The following OAS2 variants were observed in gnomAD, a reference collection of about 807,000 sequenced individuals.
OAS2 encodes the protein 2'-5'-oligoadenylate synthetase 2.
OAS2 carries 67 observed loss-of-function variants against 71.3 expected under a neutral mutation model. The ratio of observed to expected loss-of-function variants is 0.94; its 90% CI spans 0.77 to 1.15. OAS2 has a LOEUF of 1.15. Among genes scored for constraint, OAS2 ranks in the 50% most tolerant of loss-of-function variants. The pLI, the probability that OAS2 is intolerant of heterozygous loss-of-function variation, is 0.00. For synonymous variants in OAS2, 327 were observed against 321.8 expected (o/e 1.02, Z -0.17); for missense variants, 789 against 822.5 (o/e 0.96, Z 0.50).
At chr12:112,986,379 C>T (rs1038038768) in intron 1 of OAS2, among the ~76,000 whole-genome samples, 1 of 152,118 alleles carries the variant, frequency 6.6e-6, no homozygotes, top group Admixed American at 6.5e-5. Flanking sequence ...TCCTTGGGCC[C>T]CCAGGTGGCT....
At chr12:113,002,791 C>A in intron 5 of OAS2, 141 bp from the exon 6 acceptor site, 1 of 709,866 alleles carries the variant, frequency 1.4e-6, no homozygotes, top group Non-Finnish European at 2.4e-6. Flanking sequence ...TGTGCAATGA[C>A]AAAAGACGGA....
chr12:112,992,869 A>C (rs2044203657), intron 2 of OAS2, among the ~76,000 whole-genome samples: 1 of 152,146 alleles, frequency 6.6e-6, no homozygotes, highest in South Asian at 2.1e-4. Context: ...GGTGCATCAT[A>C]ATTCTCATAG....
intron 5 of OAS2, among the ~76,000 whole-genome samples, chr12:113,000,608 T>C (rs1293751): frequency 0.8 from 119,539 of 150,310 alleles, 48,399 homozygotes; most frequent in East Asian, 1. Flanking sequence ...CACACATGCA[T>C]ACATGCACTC....
At chr12:112,988,183 A>G (rs1341339270) in intron 2 of OAS2, 4 of 985,340 alleles carry the variant, frequency 4.1e-6, no homozygotes. Flanking sequence ...AGGCAGCATT[A>G]ATGAGCAGGT....
chr12:113,010,355 CG>C lies in OAS2; in HGVS notation c.*1101del. 1 of 1,608,272 alleles carries C rather than the reference CG, an allele frequency of 6.2e-7. No homozygotes were observed. Among genetic ancestry groups the C allele is most frequent in the Non-Finnish European group, 8.5e-7 (1 of 1,178,252 alleles). On this transcript the variant is annotated 3_prime_UTR_variant, in exon 10 of 10. Transcript: ENST00000392583. ...ACTATTAGGAGACATTGCTCTCCCA[CG>C]TATGTTTTTCTTTTTAGACAATGCA...
chr12:112,993,713 C>CTTGGAGA (rs2044211133), intron 2 of OAS2, among the ~76,000 whole-genome samples: 2 of 148,784 alleles, frequency 1.3e-5, no homozygotes, highest in African/African-American at 2.5e-5. Context: ...TTTTTTTCTC[C>CTTGGAGA]AAAAAAAAAG....
chr12:112,993,242 G>A (rs2044207082), intron 2 of OAS2, among the ~76,000 whole-genome samples: 1 of 152,098 alleles, frequency 6.6e-6, no homozygotes, highest in Admixed American at 6.5e-5. Context: ...CCACCACTGT[G>A]TGCCACTACA....
Position 113,010,266 on chromosome 12 carries a change from A to G in OAS2, c.*1011A>G. On this transcript the variant is annotated 3_prime_UTR_variant, in exon 10 of 10. Transcript: ENST00000392583. ...AAATACCAAAAAATTGTCTCTGGCA[A>G]TAGTTACCTTCCCAGATACAGGTCC... 6.7e-7 allele frequency: 1 copy of G among 1,483,310 alleles called. No homozygotes were observed. The highest frequency in any genetic ancestry group is 1.4e-5 in the African/African-American group (1 of 70,738). 91.9% of individuals were successfully genotyped at this position (1,483,310 alleles called of 1,614,324 possible). A position where few individuals can be genotyped will look rare whatever the true frequency, so the allele number is the denominator to read the frequency against.
At chr12:113,002,454 C>G (rs749673164) in intron 5 of OAS2, among the ~76,000 whole-genome samples, 1 of 152,224 alleles carries the variant, frequency 6.6e-6, no homozygotes, top group Non-Finnish European at 1.5e-5. Context: ...TGGAAACCAA[C>G]ACACCCGCAC....
rs754476478 is a variant in OAS2, at chr12:112,995,467, A to G, written c.620A>G (p.His207Arg). ...KDLILLIKHW[H>R]QQCQKKIKDL... The stretch of plus-strand genomic sequence containing the variant: ...TTGATCCTCTTGATAAAGCACTGGC[A>G]TCAACAGGTAATTTTCCAACTGTCT... Residue 207 changes from histidine to arginine, a missense_variant, in exon 3 of 10, where the codon CAT (histidine) becomes CGT (arginine). Transcript: ENST00000392583. The G allele has an allele frequency of 1.9e-6, 3 of 1,611,942 alleles. No homozygotes were observed. Among genetic ancestry groups the G allele is most frequent in the Non-Finnish European group, 2.5e-6 (3 of 1,179,376 alleles).
chr12:113,000,594 CAT>C (rs2044275197), intron 5 of OAS2, among the ~76,000 whole-genome samples: 1 of 151,314 alleles, frequency 6.6e-6, no homozygotes, highest in African/African-American at 2.4e-5. Context: ...CACATACATG[CAT>C]ACACACATGC....
chr12:112,995,371 G>T lies in OAS2; in HGVS notation c.524G>T (p.Gly175Val), dbSNP rs1039339420. ...TTGGATAAGACAAATGCCAGTCCTG[G>T]TGAGTTTGCAGTCTGCTTCACTGAA... is the stretch of plus-strand genomic sequence containing the variant. ...RSLDKTNASP[G>V]EFAVCFTELQ... The change falls in exon 3 of 10, where the codon GGT becomes GTT. Residue 175 changes from glycine to valine, a missense_variant. Transcript: ENST00000392583. 2.0e-5 allele frequency: 32 copies of T among 1,613,984 alleles called. No individual in the cohort carries two copies. Among genetic ancestry groups the T allele is most frequent in the African/African-American group, 2.7e-5 (2 of 74,904 alleles).
intron 2 of OAS2, 133 bp from the exon 3 acceptor site, chr12:112,995,163 G>A: frequency 1.4e-6 from 1 of 720,504 alleles, no homozygotes; most frequent in Non-Finnish European, 2.3e-6. Context: ...TTATGTAAAG[G>A]TACCTGTCCT....
At chr12:112,988,084 T>C in intron 2 of OAS2, 34 of 985,418 alleles carry the variant, frequency 3.5e-5, no homozygotes, top group Non-Finnish European at 4.0e-5. Flanking sequence ...TGACCACCAA[T>C]TATAATTGCA....
chr12:112,983,414 G>A (rs1235470636), intron 1 of OAS2, among the ~76,000 whole-genome samples: 4 of 151,940 alleles, frequency 2.6e-5, no homozygotes, highest in African/African-American at 7.3e-5. Context: ...TAGTAGAGAC[G>A]GGGTTTCACC....
chr12:112,984,902 T>C (rs1824417860), intron 1 of OAS2, among the ~76,000 whole-genome samples: 1 of 152,150 alleles, frequency 6.6e-6, no homozygotes. Context: ...TCCTTCATTT[T>C]TGAAGGATAG....
chr12:112,981,680 T>C (rs1346370731), intron 1 of OAS2, among the ~76,000 whole-genome samples: 1 of 152,190 alleles, frequency 6.6e-6, no homozygotes, highest in Non-Finnish European at 1.5e-5. Context: ...TCCTCAGTAC[T>C]ATTTGGCTAT....
At chr12:112,992,230 A>T (rs1167836965) in intron 2 of OAS2, among the ~76,000 whole-genome samples, 1 of 152,058 alleles carries the variant, frequency 6.6e-6, no homozygotes, top group Non-Finnish European at 1.5e-5. Context: ...CCCCATCTCT[A>T]CAAAAGAATT....
rs762846971 is a variant in OAS2 at position 113,002,952 on chromosome 12, C to T, written c.1029C>T (p.Thr343=). 2.7e-5 allele frequency: 44 copies of T among 1,613,870 alleles called. No homozygotes were observed. Among genetic ancestry groups the T allele is most frequent in the Non-Finnish European group, 3.4e-5 (40 of 1,179,946 alleles). ...WNVLPAPLFT[T]PGHLLDKFIK... ...CCCAGCCTGCACCACTCTTCACGAC[C>T]CCAGGCCACCTTCTGGATAAGTTCA... Residue 343 remains threonine, a synonymous_variant, in exon 6 of 10, where the codon ACC becomes ACT. Transcript: ENST00000392583.
Sources: allele counts gnomAD v4.1 joint callset (sites outside exome capture counted in the v4.1 genomes callset), GRCh38; gene constraint gnomAD v4.1.1; transcripts MANE v1.5; gene names NCBI Gene and HGNC (gene_info 2026-07-23, HGNC 2026-07-21).